ICE1: variants seen among roughly 807,000 people sequenced by gnomAD.
ICE1 encodes the protein interactor of little elongation complex ELL subunit 1.
ICE1 carries 64 observed loss-of-function variants against 192.7 expected under a neutral mutation model. The observed-to-expected ratio is 0.33, with a 90% CI of 0.27 to 0.41. The LOEUF is 0.41. Among genes scored for constraint, ICE1 ranks in the 10% least tolerant of loss-of-function variants. ICE1 has a pLI of 1.00. For missense variants in ICE1, 2,708 were observed against 2,696.0 expected (o/e 1.00, Z -0.10); for synonymous variants, 1,010 against 984.5 (o/e 1.03, Z -0.49).
chr5:5,463,883 C>T lies in ICE1; in HGVS notation c.4549C>T (p.Pro1517Ser). The change falls in exon 13 of 19, where the codon CCT becomes TCT. Residue 1517 changes from proline to serine, a missense_variant. This residue lies in a region of ICE1 where 2,366 missense variants were observed against 2,276.6 expected (regional missense o/e 1.04). Transcript: ENST00000296564. ...KSRLRNRPVKPSIWISSQIYD... is the reference protein window; with the variant it reads ...KSRLRNRPVKSSIWISSQIYD... ...TCGTTTGCGAAATAGACCCGTTAAG[C>T]CTAGTATATGGATTAGTTCTCAAAT... 1 of 1,613,928 alleles carries T rather than the reference C, an allele frequency of 6.2e-7. No individual in the cohort carries two copies. Among genetic ancestry groups the T allele is most frequent in the Non-Finnish European group, 8.5e-7 (1 of 1,179,854 alleles).
intron 7 of ICE1, 52 bp from the exon 8 acceptor site, chr5:5,447,375 A>T: frequency 1.9e-6 from 2 of 1,068,946 alleles, no homozygotes; most frequent in East Asian, 5.2e-5. Context: ...TAACCACAGT[A>T]GTAAAGTTAG....
intron 17 of ICE1, among the ~76,000 whole-genome samples, chr5:5,477,103 C>G (rs1739337562): frequency 6.6e-6 from 1 of 151,850 alleles, no homozygotes; most frequent in Non-Finnish European, 1.5e-5. Flanking sequence ...CTTCAACAAG[C>G]TGCTGTCCAA....
chr5:5,464,299 G>A lies in ICE1; in HGVS notation c.4965G>A (p.Ser1655=), dbSNP rs376558459. ...CACAGCCACTGTCTCCACTGATATC[G>A]AGTTCTAGTCCTTCCTCACCAGCCT... is the stretch of plus-strand genomic sequence containing the variant. ...RTSQPLSPLI[S]SSSPSSPASP... The change falls in exon 13 of 19, where the codon TCG becomes TCA. Residue 1655 remains serine (S), a synonymous_variant. Coordinates refer to ENST00000296564, the MANE Select transcript of ICE1 (RefSeq NM_015325.3). This position sits in a 1 kb window ranked among gnomAD's most constrained non-coding sequence, Gnocchi z 4.0. The A allele has an allele frequency of 2.5e-4, 406 of 1,613,316 alleles. 2 individuals carry two copies. The highest frequency in any genetic ancestry group is 3.3e-4 in the Middle Eastern group (2 of 6,084).
In ICE1 at chr5:5,463,402, C is replaced by G; in HGVS notation, c.4068C>G (p.Thr1356=). 6.2e-7 allele frequency: 1 copy of G among 1,613,652 alleles called. No homozygotes were observed. Among genetic ancestry groups the G allele is most frequent in the Non-Finnish European group, 8.5e-7 (1 of 1,179,786 alleles). ...CCCGTTCAGATGCAGGCAGGCAAAC[C>G]GATGGTGGGGAAGAAGACCTGCCAG... ...PEARSDAGRQ[T]DGGEEDLPEP... is the part of the protein sequence containing the mutation. Residue 1356 remains threonine (T), a synonymous_variant, in exon 13 of 19, where the codon ACC becomes ACG. Transcript: ENST00000296564.
chr5:5,437,797 TAA>T (rs933676885), intron 3 of ICE1: 5 of 152,230 alleles, frequency 3.3e-5, no homozygotes, highest in African/African-American at 9.7e-5. Context: ...TGTAAAAACT[TAA>T]AGTTTCTCTC....
chr5:5,450,261 A>G (rs192869068), intron 10 of ICE1, among the ~76,000 whole-genome samples: 3 of 152,338 alleles, frequency 2.0e-5, no homozygotes, highest in African/African-American at 7.2e-5. Context: ...AGGGATCTTG[A>G]AAATTAAAAA....
Position 5,489,139 on chromosome 5 carries a change from T to C in ICE1, c.6620-10T>C. On this transcript the variant is annotated splice_polypyrimidine_tract_variant and intron_variant, in intron 18 of 18. Transcript: ENST00000296564. ...TCTTGTTTTATGACTGATCTGAAAT[T>C]TCTTTTCAGATATACCATGGGGTAT... The C allele has an allele frequency of 1.9e-6, 3 of 1,608,922 alleles. No homozygotes were observed. The highest frequency in any genetic ancestry group is 2.5e-6 in the Non-Finnish European group (3 of 1,177,990).
Position 5,422,866 on chromosome 5 carries a change from C to T in ICE1, c.-50C>T. ...ATCAGCAGAGACAGGACGGGGCCGA[C>T]GCCGCGGGCCCCTGAGGCGTGCGTG... On this transcript the variant is annotated 5_prime_UTR_variant, in exon 1 of 19. The change creates a new upstream start codon in the 5' untranslated region. Coordinates refer to ENST00000296564, the MANE Select transcript of ICE1 (RefSeq NM_015325.3). The T allele has an allele frequency of 3.2e-6, 4 of 1,249,426 alleles. No homozygotes were observed. Among genetic ancestry groups the T allele is most frequent in the South Asian group, 2.5e-5 (1 of 39,648 alleles). The allele number at this position is 1,249,426 out of a possible 1,614,324, so 77.4% of individuals were successfully genotyped here.
At chr5:5,458,056 C>G (rs949207380) in intron 12 of ICE1, among the ~76,000 whole-genome samples, 3 of 152,124 alleles carry the variant, frequency 2.0e-5, no homozygotes, top group African/African-American at 7.2e-5. Context: ...GAATTAAACA[C>G]ATATTTGTAT....
At position 5,427,847 on chromosome 5, in the gene ICE1, A is replaced by G. The variant is rs945875265; in HGVS notation, c.84+4848A>G. ...CTCATTCTTGTTGAGGTTACAGTTAAGTAGAAAAGCAACCACAGTATAGGT... is the reference window on the plus strand; with the variant it reads ...CTCATTCTTGTTGAGGTTACAGTTAGGTAGAAAAGCAACCACAGTATAGGT... On this transcript the variant is annotated intron_variant, in intron 1 of 18. Transcript: ENST00000296564. 2.6e-5 allele frequency among the ~76,000 whole-genome samples: 4 copies of G among 152,234 alleles called. No homozygotes were observed. The East Asian group carries it at 7.7e-4, about 29-fold the overall frequency.
rs749215681 is a variant in ICE1 at position 5,476,056 on chromosome 5, T to C, written c.6497T>C (p.Ile2166Thr). 6.2e-7 allele frequency: 1 copy of C among 1,602,278 alleles called. No homozygotes were observed. The highest frequency in any genetic ancestry group is 8.5e-7 in the Non-Finnish European group (1 of 1,171,216). Residue 2166 changes from isoleucine (I) to threonine (T), a missense_variant, in exon 17 of 19, where the codon ATA (isoleucine) becomes ACA (threonine). Physicochemically the swap from Ile to Thr is moderately conservative, Grantham distance 89 (BLOSUM62 -1). Transcript: ENST00000296564. ...ANIAYTPDII[I>T]ASILRLIGRL... ...ATTGCGTATACTCCTGATATTATTA[T>C]AGCCTCAATACTGAGGCTGATTGGT...
chr5:5,463,189 A>T lies in ICE1; in HGVS notation c.3855A>T (p.Leu1285Phe), dbSNP rs750553629. ...GCAATGGTAAAGATACTGGCAGTTT[A>T]TTGCTCTTAAATGTAAATAACAACA... ...EDCNGKDTGS[L>F]LLLNVNNNMT... The change falls in exon 13 of 19, where the codon TTA becomes TTT. Residue 1285 changes from leucine to phenylalanine, a missense_variant. Coordinates refer to ENST00000296564, the MANE Select transcript of ICE1 (RefSeq NM_015325.3). 6.2e-7 allele frequency: 1 copy of T among 1,611,570 alleles called. No homozygotes were observed. Among genetic ancestry groups the T allele is most frequent in the Non-Finnish European group, 8.5e-7 (1 of 1,179,032 alleles).
In ICE1 at chr5:5,463,515, T is replaced by C; in HGVS notation, c.4181T>C (p.Phe1394Ser). Residue 1394 changes from phenylalanine to serine, a missense_variant, in exon 13 of 19, where the codon TTT becomes TCT. Phe to Ser is a radical substitution (Grantham distance 155). Around this residue, in one of 2 missense-constraint regions of ICE1, gnomAD observed 2,366 missense variants for 2,276.6 expected, o/e 1.04. Transcript: ENST00000296564. ...TCTAACTGCGAGGCCGAAACAACAT[T>C]TCAGTGTCAGATAGCAACAGTGACC... is the stretch of plus-strand genomic sequence containing the variant. Reference protein sequence around the residue: ...QSSNCEAETTFQCQIATVTSE... With the variant: ...QSSNCEAETTSQCQIATVTSE... 1 of 1,613,666 alleles carries C rather than the reference T, an allele frequency of 6.2e-7. No homozygotes were observed. Among genetic ancestry groups the C allele is most frequent in the Non-Finnish European group, 8.5e-7 (1 of 1,179,726 alleles).
At chr5:5,444,156 T>G in intron 6 of ICE1, 133 bp from the exon 7 acceptor site, 3 of 630,816 alleles carry the variant, frequency 4.8e-6, no homozygotes, top group Non-Finnish European at 8.5e-6. Context: ...TATTCTCTCT[T>G]AGGATACTAG....
In ICE1 at chr5:5,465,160, C is replaced by G. The variant is rs1171925592; in HGVS notation, c.5826C>G (p.Ile1942Met). 2 of 1,607,270 alleles carry G rather than the reference C, an allele frequency of 1.2e-6. No homozygotes were observed. Among genetic ancestry groups the G allele is most frequent in the East Asian group, 2.2e-5 (1 of 44,772 alleles). ...VIRSHVYVGN[I>M]SKKPVMRDQE... ...GTAGTCATGTGTATGTGGGAAATAT[C>G]TCCAAAAAGCCCGTAATGAGAGATC... The change falls in exon 13 of 19, where the codon ATC (isoleucine) becomes ATG (methionine). Residue 1942 changes from isoleucine to methionine, a missense_variant. Coordinates refer to ENST00000296564, the MANE Select transcript of ICE1 (RefSeq NM_015325.3).
rs888279118 is a variant in ICE1, at chr5:5,464,983, A to G, written c.5649A>G (p.Thr1883=). Residue 1883 remains threonine, a synonymous_variant, in exon 13 of 19, where the codon ACA becomes ACG. Transcript: ENST00000296564. The surrounding 1 kb of genome is among the most constrained non-coding windows in gnomAD (Gnocchi z 4.0). ...TCCCTCCAGCTGAAGTTGCAACAAC[A>G]AATGAGGAAAGAAGTTGTTCTAGTC... ...GNLPPAEVAT[T]NEERSCSSPA... 1.2e-6 allele frequency: 2 copies of G among 1,613,780 alleles called. No homozygotes were observed. Among genetic ancestry groups the G allele is most frequent in the African/African-American group, 1.3e-5 (1 of 74,938 alleles).
Position 5,440,021 on chromosome 5 carries a change from A to T in ICE1, c.197+108A>T, listed in dbSNP as rs772360874. The stretch of plus-strand genomic sequence containing the variant: ...AAGCAGCTTTGAGCAAAATGTACAT[A>T]GGATTACTCATAATATAGAATGCTG... On this transcript the variant is annotated intron_variant, in intron 4 of 18. Coordinates refer to ENST00000296564, the MANE Select transcript of ICE1 (RefSeq NM_015325.3). 5.7e-4 allele frequency: 352 copies of T among 612,974 alleles called. 2 individuals carry two copies. The highest frequency in any genetic ancestry group is 5.4e-4 in the Middle Eastern group (2 of 3,734). 38.0% of individuals were successfully genotyped at this position (612,974 alleles called of 1,614,324 possible). A position where few individuals can be genotyped will look rare whatever the true frequency, so the allele number is the denominator to read the frequency against.
In ICE1 at chr5:5,429,966, G is replaced by T. The variant is rs184283425; in HGVS notation, c.85-6452G>T. Reference sequence around the variant, plus strand: ...CTTAAGAAATCACCCAGAAGGCAAAGAAAAGATGGTAGTTATGAGAGAAAA... The same window carrying T: ...CTTAAGAAATCACCCAGAAGGCAAATAAAAGATGGTAGTTATGAGAGAAAA... On this transcript the variant is annotated intron_variant, in intron 1 of 18. Coordinates refer to ENST00000296564, the MANE Select transcript of ICE1 (RefSeq NM_015325.3). Among the ~76,000 whole-genome samples the T allele has an allele frequency of 3.1e-4, 47 of 152,336 alleles. No homozygotes were observed. In the East Asian group the frequency reaches 5.0e-3, roughly 16 times the overall value.
Position 5,443,211 on chromosome 5 carries a change from G to T in ICE1, c.353G>T (p.Arg118Leu). 6.6e-7 allele frequency: 1 copy of T among 1,513,950 alleles called. No individual in the cohort carries two copies. Among genetic ancestry groups the T allele is most frequent in the Non-Finnish European group, 8.9e-7 (1 of 1,127,630 alleles). The allele number at this position is 1,513,950 out of a possible 1,614,324, so 93.8% of individuals were successfully genotyped here. A position where few individuals can be genotyped will look rare whatever the true frequency, so the allele number is the denominator to read the frequency against. Reference sequence around the variant, plus strand: ...CAGGATACTCATCAGGAATATGCTCGTGTAAAGGAAGAATGCTTGAAGAGT... The same window carrying T: ...CAGGATACTCATCAGGAATATGCTCTTGTAAAGGAAGAATGCTTGAAGAGT... ...LYQDTHQEYARVKEECLKSDA... is the reference protein window; with the variant it reads ...LYQDTHQEYALVKEECLKSDA... The change falls in exon 6 of 19, where the codon CGT becomes CTT. Residue 118 changes from arginine to leucine, a missense_variant. Transcript: ENST00000296564.
Sources: gnomAD v4.1 joint callset for allele counts (sites outside exome capture counted in the v4.1 genomes callset) on GRCh38, gnomAD v4.1.1 for gene constraint, gnomAD v4.1.1 regional missense constraint, Gnocchi (gnomAD v3.1) non-coding constraint, MANE v1.5 for transcripts, NCBI Gene and HGNC (gene_info 2026-07-23, HGNC 2026-07-21) for gene names.